The following CNGB3 variants were observed in gnomAD, a reference collection of about 807,000 sequenced individuals.
CNGB3 encodes the protein cyclic nucleotide gated channel subunit beta 3.
Under a neutral mutation model 92.8 loss-of-function variants are expected in CNGB3, and 86 were observed. That is an observed-to-expected ratio of 0.93 (90% CI 0.78 to 1.11). CNGB3 has a LOEUF of 1.11. CNGB3 is among the 50% of genes least tolerant of loss of function. CNGB3 has a pLI of 0.00. For missense variants in CNGB3, 1,026 were observed against 956.8 expected, an observed-to-expected ratio of 1.07 and a Z score of -0.95; for synonymous variants, 333 against 332.7, an observed-to-expected ratio of 1.00 and a Z score of -0.01.
intron 10 of CNGB3, among the ~76,000 whole-genome samples, chr8:86,641,448 G>C (rs369285723): frequency 6.6e-6 from 1 of 151,834 alleles, no homozygotes. Context: ...CAAGGTCCAA[G>C]AACCCTCTCT....
chr8:86,659,399 C>A, intron 6 of CNGB3: 1 of 741,862 alleles, frequency 1.3e-6, no homozygotes, highest in South Asian at 1.5e-5. Context: ...GGAGCTTGGC[C>A]TCTCCAGCTT....
At chr8:86,672,214 G>A (rs561870907) in intron 3 of CNGB3, among the ~76,000 whole-genome samples, 11 of 151,954 alleles carry the variant, frequency 7.2e-5, no homozygotes, top group Non-Finnish European at 1.0e-4. Flanking sequence ...TTCTCATGCC[G>A]CAGCCTCCCA....
chr8:86,728,945 C>G, intron 2 of CNGB3, among the ~76,000 whole-genome samples: 1 of 152,200 alleles, frequency 6.6e-6, no homozygotes, highest in East Asian at 1.9e-4. Flanking sequence ...TGGTCTCACT[C>G]TGTCACCCAG....
intron 8 of CNGB3, among the ~76,000 whole-genome samples, chr8:86,645,614 A>G (rs1048727649): frequency 2.0e-5 from 3 of 151,314 alleles, no homozygotes; most frequent in African/African-American, 7.3e-5. Flanking sequence ...CAACGTAGAT[A>G]TGACTGCAAT....
chr8:86,602,346 C>T (rs910565380), intron 15 of CNGB3, among the ~76,000 whole-genome samples: 1 of 152,132 alleles, frequency 6.6e-6, no homozygotes, highest in Non-Finnish European at 1.5e-5. Context: ...GCCACATTAA[C>T]AACAGAGAAA....
chr8:86,611,608 C>T lies in CNGB3; in HGVS notation c.1642G>A (p.Gly548Ser). The change falls in exon 14 of 18, where the codon GGT becomes AGT. Residue 548 changes from glycine to serine, a missense_variant. Physicochemically the swap from Gly to Ser is moderately conservative, Grantham distance 56 (BLOSUM62 0). Transcript: ENST00000320005. ...CTCACCTTTTTGCAGACAAAGTCACCAGGCAAATAGAGAACGGATTTCAAT... is the reference window on the plus strand; with the variant it reads ...CTCACCTTTTTGCAGACAAAGTCACTAGGCAAATAGAGAACGGATTTCAAT... ...LRLKSVLYLP[G>S]DFVCKKGEIG... The T allele has an allele frequency of 1.9e-6, 3 of 1,613,214 alleles. No individual in the cohort carries two copies. The highest frequency in any genetic ancestry group is 2.5e-6 in the Non-Finnish European group (3 of 1,179,370).
intron 13 of CNGB3, among the ~76,000 whole-genome samples, chr8:86,622,230 T>C (rs1822750877): frequency 6.6e-6 from 1 of 152,162 alleles, no homozygotes; most frequent in Non-Finnish European, 1.5e-5. Flanking sequence ...TGAGTGTTAT[T>C]TTGCAGAACA....
intron 10 of CNGB3, among the ~76,000 whole-genome samples, chr8:86,639,960 G>T (rs529358915): frequency 1.0e-3 from 158 of 152,106 alleles, no homozygotes; most frequent in African/African-American, 3.3e-3. Flanking sequence ...TCGAAACTAG[G>T]TTTGGGCCTA....
At position 86,666,870 on chromosome 8, in the gene CNGB3, G is replaced by A. The variant is rs3735967; in HGVS notation, c.852+55C>T. On this transcript the variant is annotated intron_variant, in intron 6 of 17. Coordinates refer to ENST00000320005, the MANE Select transcript of CNGB3 (RefSeq NM_019098.5). Reference sequence around the variant, plus strand: ...TAAAACAATGCTGTTACTTTTTGTAGCCCAATTAGATGTTATTCACGTTTC... The same window carrying A: ...TAAAACAATGCTGTTACTTTTTGTAACCCAATTAGATGTTATTCACGTTTC... 0.41 allele frequency: 566,967 copies of A among 1,375,866 alleles called. 118,938 individuals are homozygous for A. The highest frequency in any genetic ancestry group is 0.53 in the Middle Eastern group (2,144 of 4,018). 85.2% of individuals were successfully genotyped at this position (1,375,866 alleles called of 1,614,324 possible).
chr8:86,662,634 G>A (rs571151869), intron 6 of CNGB3, among the ~76,000 whole-genome samples: 1 of 152,338 alleles, frequency 6.6e-6, no homozygotes, highest in South Asian at 2.1e-4. Flanking sequence ...CCTGCCCACT[G>A]AGGTGGAGCC....
At chr8:86,693,754 G>A (rs1824368423) in intron 3 of CNGB3, among the ~76,000 whole-genome samples, 1 of 151,690 alleles carries the variant, frequency 6.6e-6, no homozygotes, top group African/African-American at 2.4e-5. Flanking sequence ...GAGAGCACAG[G>A]GTTGGGGGTA....
intron 3 of CNGB3, chr8:86,703,945 T>A (rs1213410092): frequency 1.3e-5 from 2 of 152,214 alleles, no homozygotes; most frequent in Admixed American, 1.3e-4. Context: ...TATTTCTTAT[T>A]ATTTCTAGCA....
At chr8:86,657,950 C>T (rs1397963738) in intron 6 of CNGB3, 5 of 552,782 alleles carry the variant, frequency 9.0e-6, no homozygotes, top group African/African-American at 1.9e-5. Context: ...GCCTCCCCCT[C>T]ACTGATGACG....
intron 15 of CNGB3, among the ~76,000 whole-genome samples, chr8:86,595,850 T>A (rs1585957820): frequency 6.6e-6 from 1 of 152,204 alleles, no homozygotes; most frequent in East Asian, 1.9e-4. Flanking sequence ...AAAAGGAGTT[T>A]TAAGATGATT....
At chr8:86,662,119 C>G (rs993087063) in intron 6 of CNGB3, among the ~76,000 whole-genome samples, 3 of 152,216 alleles carry the variant, frequency 2.0e-5, no homozygotes, top group Non-Finnish European at 4.4e-5. Flanking sequence ...GCCACTGCAG[C>G]TCTTTGTGAG....
chr8:86,735,836 G>T (rs1232466226), intron 2 of CNGB3, among the ~76,000 whole-genome samples: 1 of 152,070 alleles, frequency 6.6e-6, no homozygotes, highest in Non-Finnish European at 1.5e-5. Flanking sequence ...GGACAGCTTT[G>T]GATAGCCATT....
At chr8:86,687,116 G>T (rs1253475139) in intron 3 of CNGB3, among the ~76,000 whole-genome samples, 1 of 151,934 alleles carries the variant, frequency 6.6e-6, no homozygotes, top group Non-Finnish European at 1.5e-5. Flanking sequence ...GCTATAATAA[G>T]AAAAATGGAC....
chr8:86,743,415 C>T, intron 1 of CNGB3, 84 bp downstream of exon 1: 1 of 1,510,924 alleles, frequency 6.6e-7, no homozygotes. Flanking sequence ...ACTAAACAAT[C>T]ATATATCGTA....
intron 3 of CNGB3, among the ~76,000 whole-genome samples, chr8:86,684,743 TAAAGAC>T (rs1824151263): frequency 3.3e-5 from 5 of 151,916 alleles, no homozygotes; most frequent in Non-Finnish European, 5.9e-5. Flanking sequence ...AGCCAATCTC[TAAAGAC>T]TATGTACTGT....
Sources: allele counts gnomAD v4.1 joint callset (sites outside exome capture counted in the v4.1 genomes callset), GRCh38; gene constraint gnomAD v4.1.1; transcripts MANE v1.5; gene names NCBI Gene and HGNC (gene_info 2026-07-23, HGNC 2026-07-21).